Variants in SHQ1 observed in about 807,000 individuals in gnomAD.
SHQ1 encodes protein SHQ1 homolog.
In SHQ1, 49 loss-of-function variants were observed where a neutral mutation model predicts 53.8. The observed-to-expected ratio is 0.91, with a 90% CI of 0.72 to 1.16. The LOEUF (loss-of-function observed/expected upper bound fraction) is 1.16. Ranked by LOEUF, SHQ1 falls within the 50% of genes most tolerant of loss-of-function variation. The pLI is 0.00. For synonymous variants in SHQ1, 243 were observed against 251.0 expected (o/e 0.97, Z 0.30); for missense variants, 738 against 683.1 (o/e 1.08, Z -0.90).
Position 72,749,377 on chromosome 3 carries a change from G to A in SHQ1, c.*907C>T. ...TCAATGAACAAATCTATTCAATGAA[G>A]CAGTACTCAGCAATGAAAAACATAA... On this transcript the variant is annotated 3_prime_UTR_variant, in exon 11 of 11. Coordinates refer to ENST00000325599, the MANE Select transcript of SHQ1 (RefSeq NM_018130.3). The A allele has an allele frequency of 4.4e-6, 1 of 228,060 alleles. No homozygotes were observed. The highest frequency in any genetic ancestry group is 2.2e-5 in the African/African-American group (1 of 45,128). The allele number at this position is 228,060 out of a possible 1,614,324, so 14.1% of individuals were successfully genotyped here. A position where few individuals can be genotyped will look rare whatever the true frequency, so the allele number is the denominator to read the frequency against.
intron 10 of SHQ1, among the ~76,000 whole-genome samples, chr3:72,780,489 A>G (rs977615896): frequency 6.6e-6 from 1 of 152,252 alleles, no homozygotes; most frequent in Non-Finnish European, 1.5e-5. Context: ...TAATCTAAGG[A>G]TAGAAATAAA....
intron 1 of SHQ1, 143 bp downstream of exon 1, chr3:72,848,054 GT>G: frequency 1.0e-6 from 1 of 1,001,178 alleles, no homozygotes; most frequent in South Asian, 1.5e-5. Context: ...GAAGAGGGCA[GT>G]TCCCTGGCAC....
chr3:72,839,945 A>G (rs1025675363), intron 4 of SHQ1, among the ~76,000 whole-genome samples: 1 of 151,916 alleles, frequency 6.6e-6, no homozygotes, highest in African/African-American at 2.4e-5. Flanking sequence ...TATTTTTAGT[A>G]GAGATGGGGT....
At chr3:72,748,973 A>G (rs547106387), downstream of SHQ1, among the ~76,000 whole-genome samples, 1,102 of 85,302 alleles carry the variant, frequency 0.013, 16 homozygotes, top group African/African-American at 0.039. Context: ...ACGCACACGC[A>G]CACACACACA....
At chr3:72,764,024 A>C (rs576780850) in intron 10 of SHQ1, among the ~76,000 whole-genome samples, 1 of 151,852 alleles carries the variant, frequency 6.6e-6, no homozygotes, top group African/African-American at 2.4e-5. Flanking sequence ...AAAAAAAAAG[A>C]CACCACTAAA....
At chr3:72,840,902 T>C (rs1708160402) in intron 4 of SHQ1, 143 bp downstream of exon 4, 1 of 885,672 alleles carries the variant, frequency 1.1e-6, no homozygotes, top group Admixed American at 2.8e-5. Context: ...CACATCTATG[T>C]ACTTTAGCTG....
chr3:72,740,424 A>T, the SHQ1 span, among the ~76,000 whole-genome samples: 1 of 152,356 alleles, frequency 6.6e-6, no homozygotes, highest in African/African-American at 2.4e-5. Context: ...TGGTACAGAG[A>T]AACAGGAGAT....
intron 10 of SHQ1, among the ~76,000 whole-genome samples, chr3:72,782,472 G>A (rs77519853): frequency 0.028 from 4,191 of 152,222 alleles, 184 homozygotes; most frequent in African/African-American, 0.093. Context: ...ATGTTCCACA[G>A]CTCTGTTTAT....
intron 5 of SHQ1, among the ~76,000 whole-genome samples, chr3:72,829,292 T>C (rs1039302756): frequency 3.3e-5 from 5 of 152,208 alleles, no homozygotes; most frequent in African/African-American, 1.2e-4. Context: ...AATATGCTTC[T>C]TCTTCATAGC....
the SHQ1 span, among the ~76,000 whole-genome samples, chr3:72,743,347 A>G: frequency 5.3e-5 from 8 of 152,148 alleles, no homozygotes; most frequent in Admixed American, 1.3e-4. Context: ...ATTCTCTACC[A>G]ACTAATCTTC....
At chr3:72,778,477 A>C (rs993827498) in intron 10 of SHQ1, among the ~76,000 whole-genome samples, 1 of 152,044 alleles carries the variant, frequency 6.6e-6, no homozygotes, top group Non-Finnish European at 1.5e-5. Flanking sequence ...AAAGAAAAGA[A>C]AAAAAAGAAA....
the SHQ1 span, among the ~76,000 whole-genome samples, chr3:72,734,136 G>T: frequency 6.6e-6 from 1 of 151,358 alleles, no homozygotes; most frequent in African/African-American, 2.4e-5. Context: ...CTCCAGCCTG[G>T]GTGACACAGC....
rs561504076 is a variant in SHQ1, at chr3:72,818,005, C to T, written c.728-621G>A. Among the ~76,000 whole-genome samples the T allele has an allele frequency of 9.2e-5, 14 of 151,874 alleles. No homozygotes were observed. The East Asian group carries it at 1.9e-3, about 21-fold the overall frequency. Reference sequence around the variant, plus strand: ...TTTCTTCTTCTGCTTGGCACCTTCTCGCCTCCTGAATATTCGTCAACAGCC... The same window carrying T: ...TTTCTTCTTCTGCTTGGCACCTTCTTGCCTCCTGAATATTCGTCAACAGCC... On this transcript the variant is annotated intron_variant, in intron 6 of 10. Coordinates refer to ENST00000325599, the MANE Select transcript of SHQ1 (RefSeq NM_018130.3).
intron 10 of SHQ1, among the ~76,000 whole-genome samples, chr3:72,766,337 C>A (rs925659280): frequency 2.0e-5 from 3 of 152,084 alleles, no homozygotes; most frequent in Non-Finnish European, 4.4e-5. Flanking sequence ...ATCTCTAAAC[C>A]ATAGTTCTTG....
chr3:72,753,556 G>A (rs1472134084), intron 10 of SHQ1: 16 of 985,264 alleles, frequency 1.6e-5, no homozygotes, highest in Non-Finnish European at 1.8e-5. Flanking sequence ...TGAGCGGGAG[G>A]CACAGTGCGG....
At position 72,750,677 on chromosome 3, in the gene SHQ1, T is replaced by C. The variant is rs764257880; in HGVS notation, c.1341A>G (p.Thr447=). ...CACTTGCCTCAGAGCTGGAGCAAAG[T>C]GTCTGCTGCCCAGAAACTGAATGGG... ...KAAHSVSGQQ[T]LCSSSEASDS... The change falls in exon 11 of 11, where the codon ACA becomes ACG. Residue 447 remains threonine (T), a synonymous_variant. Transcript: ENST00000325599. 2.8e-5 allele frequency: 45 copies of C among 1,609,012 alleles called. No individual in the cohort carries two copies. Among genetic ancestry groups the C allele is most frequent in the Non-Finnish European group, 3.8e-5 (45 of 1,177,302 alleles).
intron 9 of SHQ1, among the ~76,000 whole-genome samples, chr3:72,810,349 A>T (rs578240815): frequency 6.6e-5 from 10 of 152,342 alleles, no homozygotes; most frequent in African/African-American, 2.4e-4. Flanking sequence ...AAAAGAGCCA[A>T]AGGCCTAGTA....
In SHQ1 at chr3:72,844,351, GACAATACCTTT is replaced by G; in HGVS notation, c.205_208+7del. 6.2e-7 allele frequency: 1 copy of G among 1,611,392 alleles called. No individual in the cohort carries two copies. The highest frequency in any genetic ancestry group is 8.5e-7 in the Non-Finnish European group (1 of 1,178,220). ...GAAATAAACTAACAAAAATTCCAAAGACAATACCTTTATCTGCATCATAGGACCCTTGCTCA... is the reference window on the plus strand; with the variant it reads ...GAAATAAACTAACAAAAATTCCAAAGATCTGCATCATAGGACCCTTGCTCA... On this transcript the variant is annotated splice_donor_variant and splice_donor_5th_base_variant and coding_sequence_variant and intron_variant, in exon 2 of 11. Coordinates refer to ENST00000325599, the MANE Select transcript of SHQ1 (RefSeq NM_018130.3). LOFTEE classifies it high-confidence loss of function.
At chr3:72,791,951 A>G (rs181097342) in intron 10 of SHQ1, among the ~76,000 whole-genome samples, 1 of 152,254 alleles carries the variant, frequency 6.6e-6, no homozygotes, top group East Asian at 1.9e-4. Flanking sequence ...ATAAAAATTC[A>G]CTGCATTTTA....
Sources: gnomAD v4.1 joint callset for allele counts (sites outside exome capture counted in the v4.1 genomes callset) on GRCh38, gnomAD v4.1.1 for gene constraint, MANE v1.5 for transcripts, NCBI Gene and HGNC (gene_info 2026-07-23, HGNC 2026-07-21) for gene names.